Variants in PTPRR observed in about 807,000 individuals in gnomAD.
PTPRR encodes the protein protein tyrosine phosphatase receptor type R.
A neutral mutation model predicts 77.2 loss-of-function variants in PTPRR; 38 were observed. That is an observed-to-expected ratio of 0.49 (90% CI 0.38 to 0.65). The LOEUF is 0.65. Among genes scored for constraint, PTPRR ranks in the 30% least tolerant of loss-of-function variants. PTPRR has a pLI of 0.00. For missense variants in PTPRR, 744 were observed against 799.2 expected, an observed-to-expected ratio of 0.93 and a Z score of 0.83; for synonymous variants, 299 against 283.1, an observed-to-expected ratio of 1.06 and a Z score of -0.57.
chr12:70,893,804 A>G (rs1478446429), intron 1 of PTPRR, among the ~76,000 whole-genome samples: 3 of 151,980 alleles, frequency 2.0e-5, no homozygotes, highest in Admixed American at 6.6e-5. Context: ...AAACTACCAT[A>G]CCAACCTCAC....
At chr12:70,844,127 T>C (rs1892445072) in intron 2 of PTPRR, among the ~76,000 whole-genome samples, 1 of 152,066 alleles carries the variant, frequency 6.6e-6, no homozygotes, top group South Asian at 2.1e-4. Context: ...AAAAAAATTA[T>C]CGAATTAGAT....
intron 2 of PTPRR, among the ~76,000 whole-genome samples, chr12:70,881,338 T>C (rs551150837): frequency 6.6e-6 from 1 of 152,274 alleles, no homozygotes; most frequent in Non-Finnish European, 1.5e-5. Context: ...TCCTAACACA[T>C]ATTATTCTCA....
chr12:70,733,480 AAGAAAAAAAAAGAAAAAAAAAGAT>A (rs1565672463), intron 6 of PTPRR, among the ~76,000 whole-genome samples: 14 of 85,730 alleles, frequency 1.6e-4, no homozygotes, highest in Admixed American at 4.1e-4. Context: ...CAAAAAAAAA[AAGAAAAAAAAAGAAAAAAAAAGAT>A]TTCACCTTTC....
At chr12:70,841,659 GAAT>G (rs1247727340) in intron 2 of PTPRR, among the ~76,000 whole-genome samples, 2 of 152,004 alleles carry the variant, frequency 1.3e-5, no homozygotes, top group Admixed American at 6.6e-5. Flanking sequence ...TTACCTAGTA[GAAT>G]AATACTTTTA....
chr12:70,778,305 C>T (rs1186766209), intron 2 of PTPRR, among the ~76,000 whole-genome samples: 1 of 152,086 alleles, frequency 6.6e-6, no homozygotes, highest in Non-Finnish European at 1.5e-5. Flanking sequence ...GTCTGTCTTG[C>T]CTTTCCCACC....
chr12:70,882,801 A>G (rs1030042906), intron 2 of PTPRR, among the ~76,000 whole-genome samples: 1 of 152,210 alleles, frequency 6.6e-6, no homozygotes, highest in African/African-American at 2.4e-5. Context: ...TCCCAGTTAT[A>G]TTAACGAGTT....
chr12:70,783,164 G>C (rs1891240255), intron 2 of PTPRR, among the ~76,000 whole-genome samples: 1 of 152,040 alleles, frequency 6.6e-6, no homozygotes, highest in African/African-American at 2.4e-5. Flanking sequence ...CAAGTGAAGG[G>C]TGAACAAGAC....
chr12:70,672,309 T>A (rs1469532156), intron 10 of PTPRR: 1 of 1,581,630 alleles, frequency 6.3e-7, no homozygotes, highest in Non-Finnish European at 8.7e-7. Context: ...ACGGAACCGA[T>A]CAACTTCAGC....
chr12:70,900,469 A>AT (rs973981613), intron 1 of PTPRR, among the ~76,000 whole-genome samples: 5 of 151,384 alleles, frequency 3.3e-5, no homozygotes, highest in South Asian at 2.1e-4. Context: ...CTGGGCAATG[A>AT]TTTTTTTTAA....
chr12:70,656,091 G>A (rs976404673), intron 13 of PTPRR, among the ~76,000 whole-genome samples: 11 of 151,864 alleles, frequency 7.2e-5, no homozygotes, highest in African/African-American at 2.7e-4. Context: ...AGTGGTGCTC[G>A]CCTATAGTCC....
chr12:70,737,223 TC>T (rs1889891860), intron 6 of PTPRR, among the ~76,000 whole-genome samples: 1 of 152,098 alleles, frequency 6.6e-6, no homozygotes, highest in Non-Finnish European at 1.5e-5. Flanking sequence ...TGCTCAGAGA[TC>T]CCTGTGCAAT....
intron 8 of PTPRR, among the ~76,000 whole-genome samples, chr12:70,685,431 GC>G (rs1413384839): frequency 2.2e-5 from 3 of 137,040 alleles, no homozygotes; most frequent in African/African-American, 8.4e-5. Flanking sequence ...GATCCCTTGA[GC>G]CTGGGGCTTC....
At chr12:70,829,018 A>C (rs1892164980) in intron 2 of PTPRR, among the ~76,000 whole-genome samples, 1 of 152,146 alleles carries the variant, frequency 6.6e-6, no homozygotes, top group African/African-American at 2.4e-5. Context: ...CTTGTACTCT[A>C]AACCTATGAA....
At chr12:70,723,751 G>C (rs981275646) in intron 6 of PTPRR, among the ~76,000 whole-genome samples, 2 of 151,968 alleles carry the variant, frequency 1.3e-5, no homozygotes, top group Non-Finnish European at 2.9e-5. Context: ...AGCTGCTTTT[G>C]CATTAGCATT....
chr12:70,793,098 A>G (rs890882842), intron 2 of PTPRR, among the ~76,000 whole-genome samples: 1 of 152,214 alleles, frequency 6.6e-6, no homozygotes, highest in South Asian at 2.1e-4. Context: ...ACAGATCATC[A>G]TATCAATTTG....
intron 2 of PTPRR, among the ~76,000 whole-genome samples, chr12:70,870,792 C>T (rs1339805189): frequency 6.6e-6 from 1 of 152,172 alleles, no homozygotes; most frequent in African/African-American, 2.4e-5. Context: ...AGTCTTCAGG[C>T]TCTGCAAAGA....
chr12:70,695,971 C>T lies in PTPRR; in HGVS notation c.1279+2294G>A, dbSNP rs1888217114. 2.6e-5 allele frequency among the ~76,000 whole-genome samples: 4 copies of T among 152,134 alleles called. No individual in the cohort carries two copies. In the South Asian group the frequency reaches 8.3e-4, roughly 31 times the overall value. Reference sequence around the variant, plus strand: ...CAGTAATTGTTTAATTACTTTATTACATCACCATTACTATGAATATAAAGA... The same window carrying T: ...CAGTAATTGTTTAATTACTTTATTATATCACCATTACTATGAATATAAAGA... On this transcript the variant is annotated intron_variant, in intron 8 of 13. Transcript: ENST00000283228.
intron 5 of PTPRR, 38 bp from the exon 6 acceptor site, chr12:70,746,124 C>G: frequency 6.4e-7 from 1 of 1,570,924 alleles, no homozygotes; most frequent in Non-Finnish European, 8.7e-7. Flanking sequence ...GTCACATTTT[C>G]TCACACTAAA....
chr12:70,822,415 C>A (rs1173810510), intron 2 of PTPRR, among the ~76,000 whole-genome samples: 1 of 152,066 alleles, frequency 6.6e-6, no homozygotes, highest in Non-Finnish European at 1.5e-5. Context: ...TGCCAGAACT[C>A]AGGTTTAATT....
Sources: allele counts gnomAD v4.1 joint callset (sites outside exome capture counted in the v4.1 genomes callset), GRCh38; gene constraint gnomAD v4.1.1; transcripts MANE v1.5; gene names NCBI Gene and HGNC (gene_info 2026-07-23, HGNC 2026-07-21).